VPS13A: variants seen among roughly 807,000 people sequenced by gnomAD.
VPS13A encodes the protein vacuolar protein sorting 13 homolog A, also known as intermembrane lipid transfer protein VPS13A.
A neutral mutation model predicts 390.9 loss-of-function variants in VPS13A; 264 were observed. That is an observed-to-expected ratio of 0.68 (90% CI 0.61 to 0.75). The LOEUF is 0.75. Ranked by LOEUF, VPS13A falls within the 30% of genes least tolerant of loss-of-function variation. The pLI, the probability that VPS13A is intolerant of heterozygous loss-of-function variation, is 0.00. For synonymous variants in VPS13A, 1,231 were observed against 1,227.1 expected, an observed-to-expected ratio of 1.00 and a Z score of -0.07; for missense variants, 3,409 against 3,733.9, an observed-to-expected ratio of 0.91 and a Z score of 2.27.
At chr9:77,403,046 TTAAA>T (rs1296411003) in intron 68 of VPS13A, among the ~76,000 whole-genome samples, 186 bp from the exon 69 acceptor site, 3 of 152,188 alleles carry the variant, frequency 2.0e-5, no homozygotes, top group Non-Finnish European at 2.9e-5. Context: ...CTGAGTAATG[TTAAA>T]TAAAGTAGTG....
chr9:77,251,759 TCAA>T (rs1434336685), intron 21 of VPS13A, among the ~76,000 whole-genome samples: 1 of 152,090 alleles, frequency 6.6e-6, no homozygotes, highest in Non-Finnish European at 1.5e-5. Context: ...TTGTTGCCAA[TCAA>T]CAACATCCAA....
chr9:77,357,316 C>CAAAAAAAAAAAAAAAAAAAAAAAAA (rs1156801817), intron 55 of VPS13A, among the ~76,000 whole-genome samples: 1 of 44,604 alleles, frequency 2.2e-5, no homozygotes, highest in African/African-American at 1.1e-4. Flanking sequence ...GACTCTGTCT[C>CAAAAAAAAAAAAAAAAAAAAAAAAA]AAAAAAAAAA....
chr9:77,296,095 A>C (rs1406601461), intron 33 of VPS13A, among the ~76,000 whole-genome samples: 3 of 152,188 alleles, frequency 2.0e-5, no homozygotes, highest in Non-Finnish European at 4.4e-5. Flanking sequence ...TTATCTGAGG[A>C]AGTATATTTG....
chr9:77,205,253 TA>T, intron 3 of VPS13A, 59 bp from the exon 4 acceptor site: 2 of 920,578 alleles, frequency 2.2e-6, no homozygotes, highest in Non-Finnish European at 3.3e-6. Context: ...AGACTAACCA[TA>T]AATGCAGGTT....
chr9:77,310,345 A>G (rs1411980208), intron 35 of VPS13A, among the ~76,000 whole-genome samples: 1 of 152,204 alleles, frequency 6.6e-6, no homozygotes, highest in Non-Finnish European at 1.5e-5. Flanking sequence ...AAAAAAAGCC[A>G]TATGGAAGAA....
At position 77,337,512 on chromosome 9, in the gene VPS13A, C is replaced by T; in HGVS notation, c.6353C>T (p.Pro2118Leu). 4 of 1,612,710 alleles carry T rather than the reference C, an allele frequency of 2.5e-6. No homozygotes were observed. Among genetic ancestry groups the T allele is most frequent in the Non-Finnish European group, 3.4e-6 (4 of 1,179,438 alleles). Reference sequence around the variant, plus strand: ...CCTATCCTGCTCCGAAATCTTCTTCCTTACAAAATTGCTTATTATATAGAG... The same window carrying T: ...CCTATCCTGCTCCGAAATCTTCTTCTTTACAAAATTGCTTATTATATAGAG... ...WPPILLRNLL[P>L]YKIAYYIEGI... Residue 2118 changes from proline to leucine, a missense_variant, in exon 47 of 72, where the codon CCT (proline) becomes CTT (leucine). Around this residue, in one of 5 missense-constraint regions of VPS13A, gnomAD observed 2,717 missense variants for 2,917.4 expected, o/e 0.93. Transcript: ENST00000360280.
intron 1 of VPS13A, among the ~76,000 whole-genome samples, chr9:77,190,880 C>T (rs913679890): frequency 2.6e-5 from 4 of 152,140 alleles, no homozygotes; most frequent in Admixed American, 1.3e-4. Context: ...ATAATAGCCT[C>T]TAAGGATTTT....
Position 77,339,637 on chromosome 9 carries a change from G to A in VPS13A, c.6500G>A (p.Ser2167Asn), listed in dbSNP as rs138417091. The stretch of plus-strand genomic sequence containing the variant: ...GACTATCTCAATCACGATTGGAAAA[G>A]TGAATATCACATAAAGCCTAATCAG... ...LLDYLNHDWKSEYHIKPNQQD... is the reference protein window; with the variant it reads ...LLDYLNHDWKNEYHIKPNQQD... The change falls in exon 48 of 72, where the codon AGT becomes AAT. Residue 2167 changes from serine to asparagine, a missense_variant. Physicochemically the swap from Ser to Asn is conservative, Grantham distance 46. This residue lies in a region of VPS13A where 2,717 missense variants were observed against 2,917.4 expected (regional missense o/e 0.93). Transcript: ENST00000360280. The A allele has an allele frequency of 3.5e-4, 569 of 1,613,878 alleles. No individual in the cohort carries two copies. The highest frequency in any genetic ancestry group is 4.3e-4 in the Non-Finnish European group (510 of 1,179,940).
chr9:77,276,224 A>G lies in VPS13A; in HGVS notation c.2824+3A>G. 1 of 1,592,750 alleles carries G rather than the reference A, an allele frequency of 6.3e-7. No individual in the cohort carries two copies. On this transcript the variant is annotated splice_donor_region_variant and intron_variant, in intron 26 of 71. Transcript: ENST00000360280. ...CTTAAAATGCCCAGAATACTTGGGT[A>G]AGAATCTCTATTTTTTAAAATAAAT...
chr9:77,411,660 CAAAA>C (rs1169254413), intron 71 of VPS13A, among the ~76,000 whole-genome samples: 4,392 of 33,510 alleles, frequency 0.13, 63 homozygotes, highest in Non-Finnish European at 0.14. Flanking sequence ...AACTCCATCT[CAAAA>C]AAAAAAAAAA....
chr9:77,315,464 G>A lies in VPS13A; in HGVS notation c.4624G>A (p.Glu1542Lys). ...CAGTGTGCAAACATGGACTGCTAAG[G>A]AAGAAGGTTAGTTATTGGCTAAAAT... ...ETSVQTWTAK[E>K]EVPTQESVKW... is the part of the protein sequence containing the mutation. The change falls in exon 38 of 72, where the codon GAA (glutamate) becomes AAA (lysine). Residue 1542 changes from glutamate (E) to lysine (K), a missense_variant. This residue lies in a region of VPS13A where 2,717 missense variants were observed against 2,917.4 expected (regional missense o/e 0.93). Transcript: ENST00000360280. 2 of 1,613,720 alleles carry A rather than the reference G, an allele frequency of 1.2e-6. No individual in the cohort carries two copies. The highest frequency in any genetic ancestry group is 1.7e-6 in the Non-Finnish European group (2 of 1,179,706).
intron 67 of VPS13A, among the ~76,000 whole-genome samples, chr9:77,377,893 T>C (rs924818333): frequency 2.0e-5 from 3 of 152,232 alleles, no homozygotes; most frequent in Non-Finnish European, 4.4e-5. Flanking sequence ...TTAGATTTTA[T>C]GAAACGCTTT....
intron 23 of VPS13A, among the ~76,000 whole-genome samples, chr9:77,268,226 T>G (rs1182725873): frequency 1.3e-5 from 2 of 152,230 alleles, no homozygotes; most frequent in Non-Finnish European, 2.9e-5. Flanking sequence ...AGCTTGATGT[T>G]TGCCCAAATG....
chr9:77,212,888 G>C (rs547102692), intron 7 of VPS13A, 81 bp from the exon 8 acceptor site: 1 of 1,420,962 alleles, frequency 7.0e-7, no homozygotes, highest in Non-Finnish European at 9.9e-7. Flanking sequence ...ATTGGTCTAG[G>C]GTATGGTAGA....
At chr9:77,382,742 G>A (rs41289977) in intron 68 of VPS13A, 12 of 986,122 alleles carry the variant, frequency 1.2e-5, no homozygotes, top group Non-Finnish European at 1.4e-5. Flanking sequence ...CTTTATTCTA[G>A]TGTAGTCTTT....
At chr9:77,236,620 C>G (rs1824162428) in intron 17 of VPS13A, among the ~76,000 whole-genome samples, 1 of 152,144 alleles carries the variant, frequency 6.6e-6, no homozygotes, top group African/African-American at 2.4e-5. Flanking sequence ...CAGATGTAAT[C>G]AAGTTAAAAT....
At chr9:77,235,918 A>T (rs1474234078) in intron 17 of VPS13A, among the ~76,000 whole-genome samples, 1 of 152,186 alleles carries the variant, frequency 6.6e-6, no homozygotes, top group Non-Finnish European at 1.5e-5. Context: ...TAGAAATCTT[A>T]CTTTGAGTAT....
Position 77,209,543 on chromosome 9 carries a change from T to G in VPS13A, c.495+11T>G. On this transcript the variant is annotated intron_variant, in intron 6 of 71. Transcript: ENST00000360280. Reference sequence around the variant, plus strand: ...CGTTATGAAGATGATGTAAGTATTTTAATATGTGATATTTGTTTTTATATT... The same window carrying G: ...CGTTATGAAGATGATGTAAGTATTTGAATATGTGATATTTGTTTTTATATT... The G allele has an allele frequency of 1.4e-6, 2 of 1,468,884 alleles. No individual in the cohort carries two copies. Among genetic ancestry groups the G allele is most frequent in the Non-Finnish European group, 1.9e-6 (2 of 1,056,284 alleles). The allele number at this position is 1,468,884 out of a possible 1,614,324, so 91.0% of individuals were successfully genotyped here.
chr9:77,242,791 A>G (rs1824582642), intron 19 of VPS13A, among the ~76,000 whole-genome samples: 1 of 151,954 alleles, frequency 6.6e-6, no homozygotes, highest in South Asian at 2.1e-4. Context: ...AAAAATTACC[A>G]AACAGTAAAT....
Sources: gnomAD v4.1 joint callset for allele counts (sites outside exome capture counted in the v4.1 genomes callset) on GRCh38, gnomAD v4.1.1 for gene constraint, gnomAD v4.1.1 regional missense constraint, MANE v1.5 for transcripts, NCBI Gene and HGNC (gene_info 2026-07-23, HGNC 2026-07-21) for gene names.